The following RPS6KC1 variants were observed in gnomAD, a reference collection of about 807,000 sequenced individuals.
RPS6KC1 encodes ribosomal protein S6 kinase C1, also known as inactive ribosomal protein S6 kinase delta-1.
RPS6KC1 carries 54 observed loss-of-function variants against 103.8 expected under a neutral mutation model. The ratio of observed to expected loss-of-function variants is 0.52; its 90% CI spans 0.42 to 0.65. RPS6KC1 has a LOEUF of 0.65. Ranked by LOEUF, RPS6KC1 falls within the 30% of genes least tolerant of loss-of-function variation. RPS6KC1 has a pLI of 0.00. For missense variants in RPS6KC1, 1,151 were observed against 1,253.8 expected (o/e 0.92, Z 1.24); for synonymous variants, 439 against 438.7 (o/e 1.00, Z -0.01).
chr1:213,080,286 T>C (rs1207583623), intron 3 of RPS6KC1, among the ~76,000 whole-genome samples: 1 of 152,178 alleles, frequency 6.6e-6, no homozygotes, highest in South Asian at 2.1e-4. Flanking sequence ...AGGATTTAGC[T>C]TGTTTACCCT....
chr1:213,692,829 C>T, the RPS6KC1 span, among the ~76,000 whole-genome samples: 1 of 152,124 alleles, frequency 6.6e-6, no homozygotes, highest in Non-Finnish European at 1.5e-5. Context: ...GGAGACTTTC[C>T]CTGGCTCTGG....
At chr1:213,320,365 C>T in the RPS6KC1 span, among the ~76,000 whole-genome samples, 1 of 152,196 alleles carries the variant, frequency 6.6e-6, no homozygotes, top group Non-Finnish European at 1.5e-5. Context: ...TTTCAATTAG[C>T]ACAAATGTTA....
intron 12 of RPS6KC1, among the ~76,000 whole-genome samples, chr1:213,252,642 T>C (rs2149033255): frequency 6.6e-6 from 1 of 152,294 alleles, no homozygotes. Flanking sequence ...TTCCTTATGG[T>C]TTTTTTCCCC....
the RPS6KC1 span, among the ~76,000 whole-genome samples, chr1:213,542,105 T>C: frequency 6.6e-6 from 1 of 152,156 alleles, no homozygotes; most frequent in Non-Finnish European, 1.5e-5. Context: ...GAATAATTGA[T>C]CCACTTATAA....
At chr1:213,143,543 C>CT (rs923033501) in intron 6 of RPS6KC1, among the ~76,000 whole-genome samples, 3 of 151,364 alleles carry the variant, frequency 2.0e-5, no homozygotes, top group Non-Finnish European at 4.4e-5. Flanking sequence ...GAGTTTCAGC[C>CT]TTTTTTTAAT....
At chr1:213,362,630 T>C in the RPS6KC1 span, among the ~76,000 whole-genome samples, 4 of 152,322 alleles carry the variant, frequency 2.6e-5, no homozygotes, top group African/African-American at 9.6e-5. Flanking sequence ...CGTTAAGTCC[T>C]GGGGGCACAA....
intron 8 of RPS6KC1, among the ~76,000 whole-genome samples, chr1:213,222,306 A>T (rs2093854188): frequency 6.6e-6 from 1 of 152,182 alleles, no homozygotes; most frequent in African/African-American, 2.4e-5. Flanking sequence ...TCAATTGAAA[A>T]TGTATCCTTG....
the RPS6KC1 span, among the ~76,000 whole-genome samples, chr1:213,674,839 G>C: frequency 6.6e-6 from 1 of 152,052 alleles, no homozygotes; most frequent in Non-Finnish European, 1.5e-5. Flanking sequence ...ATTCAGACTG[G>C]TATAAGATGG....
chr1:213,165,645 G>A (rs2090897388), intron 6 of RPS6KC1, among the ~76,000 whole-genome samples: 1 of 152,008 alleles, frequency 6.6e-6, no homozygotes, highest in African/African-American at 2.4e-5. Context: ...GGATGGTCTC[G>A]AACTCCTGAC....
chr1:213,448,605 C>A, the RPS6KC1 span, among the ~76,000 whole-genome samples: 144 of 152,196 alleles, frequency 9.5e-4, no homozygotes, highest in Non-Finnish European at 1.7e-3. Flanking sequence ...TGCCACCCGA[C>A]ATCCACGCAA....
At chr1:213,323,732 C>T in the RPS6KC1 span, among the ~76,000 whole-genome samples, 1 of 152,086 alleles carries the variant, frequency 6.6e-6, no homozygotes, top group Admixed American at 6.6e-5. Flanking sequence ...TTTAGGTTCA[C>T]ACAGCAAACG....
At chr1:213,786,804 C>T in the RPS6KC1 span, among the ~76,000 whole-genome samples, 1 of 152,072 alleles carries the variant, frequency 6.6e-6, no homozygotes, top group Non-Finnish European at 1.5e-5. Context: ...AAATATCTCC[C>T]CAAATCTTCT....
chr1:213,236,866 T>A (rs2094233075), intron 10 of RPS6KC1, among the ~76,000 whole-genome samples: 1 of 152,254 alleles, frequency 6.6e-6, no homozygotes, highest in Non-Finnish European at 1.5e-5. Context: ...ATGATTCTTT[T>A]ATTAATTAGT....
intron 8 of RPS6KC1, among the ~76,000 whole-genome samples, chr1:213,201,446 T>C (rs1324304334): frequency 1.3e-5 from 2 of 152,192 alleles, no homozygotes; most frequent in Non-Finnish European, 2.9e-5. Context: ...TACCAGATAT[T>C]GGGCAGGAGG....
the RPS6KC1 span, among the ~76,000 whole-genome samples, chr1:213,828,108 G>A: frequency 8.5e-5 from 13 of 152,288 alleles, no homozygotes; most frequent in Middle Eastern, 3.4e-3. Flanking sequence ...CGCTGTTGAT[G>A]AAATAGACTT....
Position 213,241,100 on chromosome 1 carries a change from G to C in RPS6KC1, c.1624G>C (p.Val542Leu), listed in dbSNP as rs1317191373. Residue 542 changes from valine to leucine, a missense_variant, in exon 11 of 15, where the codon GTT (valine) becomes CTT (leucine). This residue lies in a region of RPS6KC1 where 959 missense variants were observed against 1,006.3 expected (regional missense o/e 0.95). Transcript: ENST00000366960. ...EPFMKTEGNG[V>L]DTKAIKSFPA... ...CTTCATGAAGACTGAAGGGAATGGT[G>C]TTGATACAAAAGCTATTAAAAGCTT... 1 of 1,613,662 alleles carries C rather than the reference G, an allele frequency of 6.2e-7. No individual in the cohort carries two copies. The highest frequency in any genetic ancestry group is 2.2e-5 in the East Asian group (1 of 44,850).
Position 213,262,833 on chromosome 1 carries a change from A to G in RPS6KC1, c.3090+17A>G, listed in dbSNP as rs1001605871. Reference sequence around the variant, plus strand: ...ATTCAACAGGTAATTTAACTGACCTATTGGCCAGGTTTATCAACCATGCAG... The same window carrying G: ...ATTCAACAGGTAATTTAACTGACCTGTTGGCCAGGTTTATCAACCATGCAG... On this transcript the variant is annotated intron_variant, in intron 14 of 14. Coordinates refer to ENST00000366960, the MANE Select transcript of RPS6KC1 (RefSeq NM_012424.6). 7.6e-6 allele frequency: 11 copies of G among 1,452,434 alleles called. No homozygotes were observed. Among genetic ancestry groups the G allele is most frequent in the East Asian group, 2.3e-5 (1 of 44,140 alleles). 90.0% of individuals were successfully genotyped at this position (1,452,434 alleles called of 1,614,324 possible).
At chr1:213,475,950 C>G in the RPS6KC1 span, among the ~76,000 whole-genome samples, 1 of 152,222 alleles carries the variant, frequency 6.6e-6, no homozygotes, top group Non-Finnish European at 1.5e-5. Context: ...ATGGCATATT[C>G]CCCATTGCAG....
chr1:213,304,773 T>C, the RPS6KC1 span, among the ~76,000 whole-genome samples: 2 of 152,296 alleles, frequency 1.3e-5, no homozygotes, highest in African/African-American at 4.8e-5. Flanking sequence ...ACTCGTGACC[T>C]GAGGTGATCC....
Sources: allele counts gnomAD v4.1 joint callset (sites outside exome capture counted in the v4.1 genomes callset), GRCh38; gene constraint gnomAD v4.1.1; regional missense constraint gnomAD v4.1.1; transcripts MANE v1.5; gene names NCBI Gene and HGNC (gene_info 2026-07-23, HGNC 2026-07-21).